The following PAPPA variants were observed in gnomAD, a reference collection of about 807,000 sequenced individuals.
The protein encoded by PAPPA is pappalysin 1, also known as pappalysin-1.
A neutral mutation model predicts 164.0 loss-of-function variants in PAPPA; 60 were observed. The observed-to-expected ratio is 0.37, with a 90% CI of 0.30 to 0.45. PAPPA has a LOEUF of 0.45. Ranked by LOEUF, PAPPA falls within the 20% of genes least tolerant of loss-of-function variation. PAPPA has a pLI of 1.00. For missense variants in PAPPA, 1,782 were observed against 2,087.3 expected, an observed-to-expected ratio of 0.85 and a Z score of 2.85; for synonymous variants, 875 against 814.1, an observed-to-expected ratio of 1.07 and a Z score of -1.27.
At chr9:116,348,675 C>T (rs1213247628) in intron 15 of PAPPA, among the ~76,000 whole-genome samples, 26 of 151,958 alleles carry the variant, frequency 1.7e-4, no homozygotes, top group Non-Finnish European at 1.5e-4. Context: ...TGTGATAGGC[C>T]CCAGTGTTAG....
rs1475229220 is a variant in PAPPA, at chr9:116,153,882, A to G, written c.-291A>G. ...AAATCATATAAAATAAAATGAAATA[A>G]AACAAGGAGGAAGGCAACCAGCTGT... On this transcript the variant is annotated 5_prime_UTR_variant, in exon 1 of 22. An upstream open reading frame in the 5' UTR loses its in-frame stop. Coordinates refer to ENST00000328252, the MANE Select transcript of PAPPA (RefSeq NM_002581.5). The G allele has an allele frequency of 5.5e-6, 1 of 182,960 alleles. No homozygotes were observed. The highest frequency in any genetic ancestry group is 1.1e-5 in the Non-Finnish European group (1 of 91,322). 11.3% of individuals were successfully genotyped at this position (182,960 alleles called of 1,614,324 possible).
At chr9:116,314,060 CTTTTTTTTTT>C (rs57871796) in intron 10 of PAPPA, among the ~76,000 whole-genome samples, 21 of 69,726 alleles carry the variant, frequency 3.0e-4, no homozygotes, top group South Asian at 4.7e-4. Context: ...TGCATCGAAT[CTTTTTTTTTT>C]TTTTTTTTTT....
chr9:116,375,055 G>C (rs1846632360), intron 19 of PAPPA, among the ~76,000 whole-genome samples: 1 of 152,180 alleles, frequency 6.6e-6, no homozygotes, highest in African/African-American at 2.4e-5. Flanking sequence ...TTAAGAAATT[G>C]GTACTAGGTT....
At chr9:116,215,291 C>T (rs534982496) in intron 4 of PAPPA, among the ~76,000 whole-genome samples, 45 of 152,196 alleles carry the variant, frequency 3.0e-4, no homozygotes, top group African/African-American at 1.1e-3. Context: ...AGGATGCTTG[C>T]CTTGCCTGAT....
At chr9:116,381,248 C>T (rs138288941) in intron 20 of PAPPA, among the ~76,000 whole-genome samples, 114 of 152,280 alleles carry the variant, frequency 7.5e-4, no homozygotes, top group African/African-American at 2.7e-3. Context: ...AGGACTAGAA[C>T]CCAGGTTTTC....
intron 1 of PAPPA, among the ~76,000 whole-genome samples, chr9:116,182,246 C>T (rs1843915259): frequency 6.6e-6 from 1 of 152,150 alleles, no homozygotes; most frequent in Admixed American, 6.5e-5. Context: ...GTAAGATACT[C>T]TTATAGAGAA....
chr9:116,191,044 A>AGGAG, intron 2 of PAPPA, among the ~76,000 whole-genome samples: 1 of 70,482 alleles, frequency 1.4e-5, no homozygotes, highest in East Asian at 4.3e-4. Context: ...GAGGAAGGGA[A>AGGAG]GGAGGGAGGG....
chr9:116,354,520 C>T (rs997183834), intron 17 of PAPPA, among the ~76,000 whole-genome samples: 2 of 152,140 alleles, frequency 1.3e-5, no homozygotes, highest in South Asian at 2.1e-4. Flanking sequence ...TCAGTGCAGG[C>T]GTCGTCTTCA....
At chr9:116,201,974 C>G (rs543879408) in intron 2 of PAPPA, among the ~76,000 whole-genome samples, 1 of 152,268 alleles carries the variant, frequency 6.6e-6, no homozygotes, top group Non-Finnish European at 1.5e-5. Flanking sequence ...GCCCAGGAAG[C>G]ATGACTCTGG....
chr9:116,321,118 C>G (rs547192379), intron 10 of PAPPA, among the ~76,000 whole-genome samples: 1 of 152,010 alleles, frequency 6.6e-6, no homozygotes, highest in Non-Finnish European at 1.5e-5. Flanking sequence ...GGCTCCACCT[C>G]CTGGATTCAC....
intron 9 of PAPPA, chr9:116,286,585 G>C (rs1010284337): frequency 5.9e-5 from 9 of 152,128 alleles, no homozygotes; most frequent in Non-Finnish European, 1.0e-4. Context: ...ATTTCCTAAT[G>C]GACTGTGGGC....
intron 9 of PAPPA, among the ~76,000 whole-genome samples, chr9:116,300,314 G>A (rs1845564743): frequency 6.6e-6 from 1 of 151,764 alleles, no homozygotes; most frequent in African/African-American, 2.4e-5. Context: ...GTCTTGCTCT[G>A]TCACCCAGGC....
chr9:116,221,051 G>T (rs424464), intron 5 of PAPPA, among the ~76,000 whole-genome samples: 1 of 151,458 alleles, frequency 6.6e-6, no homozygotes, highest in East Asian at 1.9e-4. Context: ...CTGACTGTTC[G>T]TTAATTAACC....
In PAPPA at chr9:116,153,807, G is replaced by A. The variant is rs1843562572; in HGVS notation, c.-366G>A. On this transcript the variant is annotated 5_prime_UTR_variant, in exon 1 of 22. Coordinates refer to ENST00000328252, the MANE Select transcript of PAPPA (RefSeq NM_002581.5). ...AAATAAATTAGAGCATCTTTTGGGG[G>A]GAGGGAATTCAGCGGATCAGTCTTA... The A allele has an allele frequency of 6.7e-6, 1 of 149,918 alleles. No homozygotes were observed. Among genetic ancestry groups the A allele is most frequent in the Non-Finnish European group, 1.5e-5 (1 of 67,920 alleles). The allele number at this position is 149,918 out of a possible 1,614,324, so 9.3% of individuals were successfully genotyped here.
intron 9 of PAPPA, among the ~76,000 whole-genome samples, chr9:116,277,134 T>C (rs188962159): frequency 8.7e-4 from 133 of 152,226 alleles, no homozygotes; most frequent in Non-Finnish European, 1.3e-3. Flanking sequence ...TTTTTCTTTC[T>C]AACAACGTGA....
chr9:116,217,633 A>T (rs1413168414), intron 4 of PAPPA, among the ~76,000 whole-genome samples: 1 of 144,418 alleles, frequency 6.9e-6, no homozygotes, highest in Admixed American at 6.9e-5. Flanking sequence ...ACTCACACAT[A>T]CATGAGCACA....
rs1447264926 is a variant in PAPPA at position 116,352,891 on chromosome 9, C to T, written c.4150C>T (p.Pro1384Ser). 2 of 1,613,878 alleles carry T rather than the reference C, an allele frequency of 1.2e-6. No individual in the cohort carries two copies. The highest frequency in any genetic ancestry group is 1.7e-5 in the Admixed American group (1 of 59,996). ...CAAATGCAAGCCTGGATACCATGTG[C>T]CTGGATCCTCTCGGAAGTCAAAGAA... ...KYKCKPGYHV[P>S]GSSRKSKKRA... The change falls in exon 16 of 22, where the codon CCT becomes TCT. Residue 1384 changes from proline to serine, a missense_variant. This residue lies in a region of PAPPA where 1,324 missense variants were observed against 1,656.9 expected (regional missense o/e 0.80). Transcript: ENST00000328252.
Position 116,324,997 on chromosome 9 carries a change from T to C in PAPPA, c.3148-6247T>C, listed in dbSNP as rs114527165. Among the ~76,000 whole-genome samples, 500 of 152,268 alleles carry C rather than the reference T, an allele frequency of 3.3e-3. 1 individual carries two copies. The highest frequency in any genetic ancestry group is 0.012 in the African/African-American group (478 of 41,526). On this transcript the variant is annotated intron_variant, in intron 10 of 21. Coordinates refer to ENST00000328252, the MANE Select transcript of PAPPA (RefSeq NM_002581.5). ...ATAAGTAGCAGGGTGGTATGGTTAGTTTTTCTCCTTTGGAAAGTTAATTAT... is the reference window on the plus strand; with the variant it reads ...ATAAGTAGCAGGGTGGTATGGTTAGCTTTTCTCCTTTGGAAAGTTAATTAT...
chr9:116,202,045 A>G (rs1844177425), intron 2 of PAPPA, among the ~76,000 whole-genome samples: 1 of 152,184 alleles, frequency 6.6e-6, no homozygotes, highest in Non-Finnish European at 1.5e-5. Flanking sequence ...TCCACTGAAG[A>G]GTGACCTGCT....
Sources: allele counts gnomAD v4.1 joint callset (sites outside exome capture counted in the v4.1 genomes callset), GRCh38; gene constraint gnomAD v4.1.1; regional missense constraint gnomAD v4.1.1; transcripts MANE v1.5; gene names NCBI Gene and HGNC (gene_info 2026-07-23, HGNC 2026-07-21).